Variants in ZMYM4 observed in about 807,000 individuals in gnomAD.
ZMYM4 encodes zinc finger MYM-type protein 4.
Under a neutral mutation model 183.2 loss-of-function variants are expected in ZMYM4, and 31 were observed. The observed-to-expected ratio is 0.17, with a 90% CI of 0.13 to 0.23. The LOEUF (loss-of-function observed/expected upper bound fraction) is 0.23, where lower values mean the gene tolerates loss of function less well. Among genes scored for constraint, ZMYM4 ranks in the 10% least tolerant of loss-of-function variants. ZMYM4 has a pLI of 1.00. For synonymous variants in ZMYM4, 592 were observed against 631.2 expected, an observed-to-expected ratio of 0.94 and a Z score of 0.93; for missense variants, 1,273 against 1,840.3, an observed-to-expected ratio of 0.69 and a Z score of 5.64.
At chr1:35,335,110 A>C (rs1008153832) in intron 2 of ZMYM4, among the ~76,000 whole-genome samples, 2 of 151,956 alleles carry the variant, frequency 1.3e-5, no homozygotes, top group Admixed American at 6.6e-5. Context: ...CATCATCCTG[A>C]ATTTTGTGTT....
At chr1:35,277,409 TA>T (rs1462505240) in intron 1 of ZMYM4, among the ~76,000 whole-genome samples, 4 of 152,316 alleles carry the variant, frequency 2.6e-5, no homozygotes, top group Admixed American at 2.6e-4. Flanking sequence ...AGGAATAGTT[TA>T]AACTGGAATT....
intron 26 of ZMYM4, among the ~76,000 whole-genome samples, chr1:35,411,255 G>A (rs941468907): frequency 6.8e-5 from 10 of 147,338 alleles, no homozygotes; most frequent in Admixed American, 1.4e-4. Flanking sequence ...CCGGGTTCAC[G>A]CCATTCTCCT....
At chr1:35,363,494 A>C (rs1643994147) in intron 5 of ZMYM4, among the ~76,000 whole-genome samples, 1 of 152,166 alleles carries the variant, frequency 6.6e-6, no homozygotes, top group Non-Finnish European at 1.5e-5. Flanking sequence ...ATTGTATTAG[A>C]GTAAGCAGAT....
chr1:35,314,460 T>A (rs1490254774), intron 1 of ZMYM4, among the ~76,000 whole-genome samples: 1 of 151,478 alleles, frequency 6.6e-6, no homozygotes, highest in African/African-American at 2.4e-5. Context: ...AATTTTTGTA[T>A]TTTTAGTAGA....
At chr1:35,415,739 T>A (rs1386239096) in intron 28 of ZMYM4, 25 bp downstream of exon 28, 1 of 1,604,230 alleles carries the variant, frequency 6.2e-7, no homozygotes, top group East Asian at 2.2e-5. Flanking sequence ...TTGTCAGATT[T>A]CTCTTTGAAG....
Position 35,399,469 on chromosome 1 carries a change from C to T in ZMYM4, c.3434-13C>T. 2 of 1,611,458 alleles carry T rather than the reference C, an allele frequency of 1.2e-6. No homozygotes were observed. Among genetic ancestry groups the T allele is most frequent in the Non-Finnish European group, 1.7e-6 (2 of 1,178,200 alleles). On this transcript the variant is annotated splice_polypyrimidine_tract_variant and intron_variant, in intron 22 of 29. Coordinates refer to ENST00000314607, the MANE Select transcript of ZMYM4 (RefSeq NM_005095.3). ...TATTTACCTCATGTTGTCCTTTCTG[C>T]TGATTATTATAGACTCCTTTGACCC...
At chr1:35,376,077 GA>G (rs564648131) in intron 7 of ZMYM4, among the ~76,000 whole-genome samples, 1,585 of 138,208 alleles carry the variant, frequency 0.011, 23 homozygotes, top group African/African-American at 0.036. Flanking sequence ...CACTATCTTT[GA>G]AAAAAAAAAA....
intron 18 of ZMYM4, 75 bp downstream of exon 18, chr1:35,393,814 C>G (rs1384844084): frequency 3.1e-5 from 45 of 1,440,682 alleles, no homozygotes; most frequent in Non-Finnish European, 4.2e-5. Flanking sequence ...CATTGAGTAC[C>G]TGCTATTTCC....
At chr1:35,308,165 T>C (rs1641631878) in intron 1 of ZMYM4, among the ~76,000 whole-genome samples, 1 of 152,006 alleles carries the variant, frequency 6.6e-6, no homozygotes, top group Non-Finnish European at 1.5e-5. Flanking sequence ...CTAATTTTTG[T>C]ATTTTTAGTA....
intron 18 of ZMYM4, among the ~76,000 whole-genome samples, chr1:35,394,162 CTTTTTTTTTTTTTTTTTT>C (rs34277367): frequency 1.5e-5 from 1 of 68,394 alleles, no homozygotes; most frequent in Non-Finnish European, 2.7e-5. Flanking sequence ...TCAGAGCTTT[CTTTTTTTTTTTTTTTTTT>C]TTTTTTTTTT....
chr1:35,360,165 C>CA (rs1333516205), intron 3 of ZMYM4, among the ~76,000 whole-genome samples: 1 of 152,078 alleles, frequency 6.6e-6, no homozygotes, highest in African/African-American at 2.4e-5. Flanking sequence ...ATCATTCTAA[C>CA]TGCTCTACAT....
At position 35,387,283 on chromosome 1, in the gene ZMYM4, A is replaced by AAT; in HGVS notation, c.2112+5_2112+6insAT. On this transcript the variant is annotated splice_donor_region_variant and intron_variant, in intron 12 of 29. Coordinates refer to ENST00000314607, the MANE Select transcript of ZMYM4 (RefSeq NM_005095.3). Reference sequence around the variant, plus strand: ...CCAGAACTTCTTGACTATAAGGTAAAGTATAGCATGTTCATGATAAGATTT... The same window carrying AAT: ...CCAGAACTTCTTGACTATAAGGTAAAATGTATAGCATGTTCATGATAAGATTT... 1.2e-6 allele frequency: 2 copies of AAT among 1,611,692 alleles called. No individual in the cohort carries two copies. The highest frequency in any genetic ancestry group is 1.7e-6 in the Non-Finnish European group (2 of 1,177,896).
intron 1 of ZMYM4, among the ~76,000 whole-genome samples, chr1:35,288,187 T>C (rs1640597614): frequency 6.6e-6 from 1 of 152,234 alleles, no homozygotes; most frequent in Non-Finnish European, 1.5e-5. Context: ...CTGGTACTCA[T>C]TTTGCATGTT....
At chr1:35,367,644 A>G (rs1340652900) in intron 5 of ZMYM4, among the ~76,000 whole-genome samples, 1 of 152,222 alleles carries the variant, frequency 6.6e-6, no homozygotes, top group African/African-American at 2.4e-5. Context: ...AGAATTTGAT[A>G]TATTTATCAA....
At chr1:35,355,947 G>T (rs556344862) in intron 2 of ZMYM4, among the ~76,000 whole-genome samples, 12 of 152,086 alleles carry the variant, frequency 7.9e-5, no homozygotes, top group African/African-American at 2.9e-4. Context: ...ATGATAAGGG[G>T]CTGGGTGCAG....
At chr1:35,294,063 A>G (rs1640892230) in intron 1 of ZMYM4, among the ~76,000 whole-genome samples, 1 of 151,568 alleles carries the variant, frequency 6.6e-6, no homozygotes, top group African/African-American at 2.4e-5. Context: ...TGAACCCAGG[A>G]GGCAGAGGTT....
chr1:35,343,689 A>C (rs576693363), intron 2 of ZMYM4, among the ~76,000 whole-genome samples: 1 of 152,082 alleles, frequency 6.6e-6, no homozygotes, highest in Non-Finnish European at 1.5e-5. Context: ...ACATGGTGAA[A>C]CCCCATCTCT....
intron 2 of ZMYM4, among the ~76,000 whole-genome samples, chr1:35,334,707 A>G (rs1169064413): frequency 6.6e-5 from 10 of 152,224 alleles, no homozygotes; most frequent in Non-Finnish European, 8.8e-5. Flanking sequence ...TCAGATATAC[A>G]TAATAGACAA....
rs879256828 is a variant in ZMYM4 at position 35,389,627 on chromosome 1, C to A, written c.2437-321C>A. On this transcript the variant is annotated intron_variant, in intron 14 of 29. Coordinates refer to ENST00000314607, the MANE Select transcript of ZMYM4 (RefSeq NM_005095.3). This position sits in a 1 kb window ranked among gnomAD's most constrained non-coding sequence, Gnocchi z 4.0. ...AAAATTAGCTGGGTGTGGTGGCGGG[C>A]GCCTGTAGTCCCAGCTACCTGGGAG... Among the ~76,000 whole-genome samples the A allele has an allele frequency of 6.6e-6, 1 of 151,600 alleles. No individual in the cohort carries two copies. Among genetic ancestry groups the A allele is most frequent in the Non-Finnish European group, 1.5e-5 (1 of 67,910 alleles).
Sources: gnomAD v4.1 joint callset for allele counts (sites outside exome capture counted in the v4.1 genomes callset) on GRCh38, gnomAD v4.1.1 for gene constraint, Gnocchi (gnomAD v3.1) non-coding constraint, MANE v1.5 for transcripts, NCBI Gene and HGNC (gene_info 2026-07-23, HGNC 2026-07-21) for gene names.